RARB: variants seen among roughly 807,000 people sequenced by gnomAD.
RARB encodes retinoic acid receptor beta.
A neutral mutation model predicts 51.9 loss-of-function variants in RARB; 17 were observed. The ratio of observed to expected loss-of-function variants is 0.33; its 90% CI spans 0.22 to 0.49. The LOEUF is 0.49. Among genes scored for constraint, RARB ranks in the 20% least tolerant of loss-of-function variants. The probability of loss-of-function intolerance (pLI) is 0.99; values close to 1 mark genes in which losing one functional copy is unlikely to be tolerated. For missense variants in RARB, 369 were observed against 550.8 expected (o/e 0.67, Z 3.30); for synonymous variants, 215 against 195.4 (o/e 1.10, Z -0.84).
At chr3:24,870,415 G>C (rs1702924827) in intron 2 of RARB, among the ~76,000 whole-genome samples, 1 of 151,980 alleles carries the variant, frequency 6.6e-6, no homozygotes, top group African/African-American at 2.4e-5. Context: ...CTCACTAATA[G>C]TGTTTCTGTC....
intron 2 of RARB, among the ~76,000 whole-genome samples, chr3:24,955,355 A>G (rs749104750): frequency 1.4e-5 from 2 of 142,070 alleles, no homozygotes; most frequent in African/African-American, 2.9e-5. Context: ...TCTGGGGTTT[A>G]TATAAACACA....
In RARB at chr3:25,222,167, G is replaced by T. The variant is rs570819336; in HGVS notation, c.178+47592G>T. 3.9e-5 allele frequency among the ~76,000 whole-genome samples: 6 copies of T among 152,252 alleles called. 1 individual carries two copies. The highest frequency in any genetic ancestry group is 1.4e-4 in the African/African-American group (6 of 41,542). On this transcript the variant is annotated intron_variant, in intron 5 of 11. Transcript: ENST00000383772. ...TAATAAGGTGTTACTCCGGAGGCAGGACTACCCAGTGCAGAAAGCATCGAG... is the reference window on the plus strand; with the variant it reads ...TAATAAGGTGTTACTCCGGAGGCAGTACTACCCAGTGCAGAAAGCATCGAG...
intron 4 of RARB, among the ~76,000 whole-genome samples, chr3:25,577,209 C>T (rs1656465): frequency 0.081 from 12,393 of 152,186 alleles, 644 homozygotes; most frequent in Non-Finnish European, 0.11. Context: ...CCGGTTCGCC[C>T]GCGGGATCTT....
intron 2 of RARB, among the ~76,000 whole-genome samples, chr3:25,490,820 C>G (rs948567030): frequency 1.3e-5 from 2 of 152,026 alleles, no homozygotes; most frequent in African/African-American, 4.8e-5. Context: ...CAAGGAAGGG[C>G]ACAAAATAAC....
At chr3:25,262,952 T>G (rs919272252) in intron 5 of RARB, among the ~76,000 whole-genome samples, 1 of 152,208 alleles carries the variant, frequency 6.6e-6, no homozygotes, top group Middle Eastern at 3.2e-3. Context: ...TTTGACTGTC[T>G]TAAGGTCTTT....
intron 5 of RARB, among the ~76,000 whole-genome samples, chr3:25,329,600 T>G (rs2125444180): frequency 2.0e-5 from 3 of 152,254 alleles, no homozygotes; most frequent in Middle Eastern, 6.8e-3. Flanking sequence ...TCAGACTGCC[T>G]CTACTCCTCC....
At chr3:25,131,493 G>T (rs1699953650) in intron 3 of RARB, among the ~76,000 whole-genome samples, 1 of 151,872 alleles carries the variant, frequency 6.6e-6, no homozygotes, top group Admixed American at 6.6e-5. Context: ...TTTTATCATG[G>T]CAGTGTTTAT....
At chr3:24,881,307 A>G (rs1489432448) in intron 2 of RARB, among the ~76,000 whole-genome samples, 5 of 152,232 alleles carry the variant, frequency 3.3e-5, no homozygotes, top group African/African-American at 1.2e-4. Flanking sequence ...ACAAACTACT[A>G]CAAGATCTTC....
chr3:25,182,519 G>T (rs1700882875), intron 5 of RARB, among the ~76,000 whole-genome samples: 1 of 152,228 alleles, frequency 6.6e-6, no homozygotes. Context: ...GTATAAAAGG[G>T]ACTCAAAAGT....
In RARB at chr3:24,865,854, C is replaced by T. The variant is rs538019984; in HGVS notation, c.-380+7102C>T. Among the ~76,000 whole-genome samples, 10 of 152,198 alleles carry T rather than the reference C, an allele frequency of 6.6e-5. 1 individual carries two copies. The East Asian group carries it at 1.4e-3, about 21-fold the overall frequency. ...TTGTGGCTTTGACCTAATTGTGCAGCCTGAGACATGTTGGGTCAGTTATTA... is the reference window on the plus strand; with the variant it reads ...TTGTGGCTTTGACCTAATTGTGCAGTCTGAGACATGTTGGGTCAGTTATTA... On this transcript the variant is annotated intron_variant, in intron 2 of 11. Coordinates refer to the RARB transcript ENST00000383772.
chr3:25,443,633 A>C (rs1708802344), intron 1 of RARB, among the ~76,000 whole-genome samples: 1 of 151,596 alleles, frequency 6.6e-6, no homozygotes, highest in Admixed American at 6.6e-5. Flanking sequence ...AAAAAAAAAA[A>C]AATGATAAAG....
chr3:25,447,040 T>C (rs992910870), intron 1 of RARB, among the ~76,000 whole-genome samples: 3 of 151,922 alleles, frequency 2.0e-5, no homozygotes, highest in Non-Finnish European at 2.9e-5. Flanking sequence ...CTGATCGTGT[T>C]AATAATCCTT....
rs1168928517 is a variant in RARB at position 25,461,025 on chromosome 3, G to A, written c.158-168G>A. Among the ~76,000 whole-genome samples the A allele has an allele frequency of 2.0e-5, 3 of 152,284 alleles. 1 individual carries two copies. The highest frequency in any genetic ancestry group is 4.1e-4 in the South Asian group (2 of 4,822). ...GTAAACCGTAGAGTACCACATCAAT[G>A]TCAGTGTCACCACTGCTGGGCCTAC... On this transcript the variant is annotated intron_variant, in intron 1 of 7. Coordinates refer to ENST00000330688, the MANE Select transcript of RARB (RefSeq NM_000965.5).
chr3:25,000,492 G>C (rs371847435), intron 2 of RARB, among the ~76,000 whole-genome samples: 4 of 151,852 alleles, frequency 2.6e-5, no homozygotes, highest in African/African-American at 9.7e-5. Context: ...TTCCCTGCAT[G>C]GAAGTCTTAA....
At chr3:25,040,796 T>G (rs1176465994) in intron 2 of RARB, among the ~76,000 whole-genome samples, 1 of 152,172 alleles carries the variant, frequency 6.6e-6, no homozygotes, top group African/African-American at 2.4e-5. Flanking sequence ...CATTTTATGT[T>G]AATTACAAAG....
intron 5 of RARB, among the ~76,000 whole-genome samples, chr3:25,236,769 T>C (rs1216057168): frequency 6.6e-6 from 1 of 151,986 alleles, no homozygotes; most frequent in Non-Finnish European, 1.5e-5. Flanking sequence ...ATAAGAAAAA[T>C]AGAGTGGAAT....
At chr3:25,186,508 T>A (rs905067007) in intron 5 of RARB, among the ~76,000 whole-genome samples, 1 of 152,114 alleles carries the variant, frequency 6.6e-6, no homozygotes, top group Non-Finnish European at 1.5e-5. Flanking sequence ...GTAGCACTGG[T>A]CATAGATTAT....
intron 5 of RARB, among the ~76,000 whole-genome samples, chr3:25,581,708 G>A (rs148124402): frequency 1.3e-5 from 2 of 152,270 alleles, no homozygotes; most frequent in African/African-American, 2.4e-5. Flanking sequence ...TTTAGGTGAG[G>A]TTACAGGGTG....
At chr3:25,332,415 T>C (rs6794637) in intron 5 of RARB, among the ~76,000 whole-genome samples, 29,791 of 152,006 alleles carry the variant, frequency 0.2, 3,183 homozygotes, top group African/African-American at 0.28. Flanking sequence ...ACAGAACCAA[T>C]GACAAAAACC....
Sources: allele counts gnomAD v4.1 joint callset (sites outside exome capture counted in the v4.1 genomes callset), GRCh38; gene constraint gnomAD v4.1.1; transcripts MANE v1.5; gene names NCBI Gene and HGNC (gene_info 2026-07-23, HGNC 2026-07-21).